ADGRG4: variants seen among roughly 807,000 people sequenced by gnomAD.
ADGRG4 encodes G protein-coupled receptor 112.
Under a neutral mutation model 126.2 loss-of-function variants are expected in ADGRG4, and 122 were observed. That is an observed-to-expected ratio of 0.97 (90% CI 0.83 to 1.12). The LOEUF (loss-of-function observed/expected upper bound fraction) is 1.12. Ranked by LOEUF, ADGRG4 falls within the 50% of genes most tolerant of loss-of-function variation. The pLI is 0.00. For synonymous variants in ADGRG4, 943 were observed against 838.7 expected, an observed-to-expected ratio of 1.12 and a Z score of -2.15; for missense variants, 2,481 against 2,251.8, an observed-to-expected ratio of 1.10 and a Z score of -2.06.
chrX:136,380,254 G>A (rs1324986290), intron 15 of ADGRG4, among the ~76,000 whole-genome samples: 10 of 110,080 alleles, frequency 9.1e-5, no homozygotes, highest in Admixed American at 6.7e-4. Flanking sequence ...CCTTAGGAAG[G>A]ATTTGGCTTG....
chrX:136,358,087 A>G (rs1338177218), intron 10 of ADGRG4, among the ~76,000 whole-genome samples: 3 of 111,518 alleles, frequency 2.7e-5, no homozygotes, highest in Non-Finnish European at 5.6e-5. Flanking sequence ...CAACAACAAC[A>G]TGGAAAGTAG....
chrX:136,404,507 A>G (rs1244959482), intron 22 of ADGRG4, among the ~76,000 whole-genome samples: 1 of 112,187 alleles, frequency 8.9e-6, no homozygotes, highest in Non-Finnish European at 1.9e-5. Flanking sequence ...AACAGGGTAG[A>G]GGATGAAAAG....
rs180768424 is a variant in ADGRG4, at chrX:136,328,310, G to A, written c.685+4918G>A. On this transcript the variant is annotated intron_variant, in intron 5 of 25. Transcript: ENST00000394143. ...GTCTACAGGGCTTTTAAAAGTAATG[G>A]GTGGTGACAGAAATATCTTGAAGCA... 5.6e-4 allele frequency among the ~76,000 whole-genome samples: 63 copies of A among 111,620 alleles called. 2 individuals carry two copies. In the Middle Eastern group the frequency reaches 0.032, roughly 57 times the overall value.
chrX:136,315,444 A>G (rs1405704581), intron 4 of ADGRG4, among the ~76,000 whole-genome samples: 1 of 111,196 alleles, frequency 9.0e-6, no homozygotes, highest in Non-Finnish European at 1.9e-5. Flanking sequence ...GACACTTCCA[A>G]GATAAGGCAG....
At chrX:136,396,666 A>G (rs1365048637) in intron 19 of ADGRG4, among the ~76,000 whole-genome samples, 1 of 107,466 alleles carries the variant, frequency 9.3e-6, no homozygotes. Context: ...GTAACTAACT[A>G]TGTGATCTTG....
intron 4 of ADGRG4, among the ~76,000 whole-genome samples, chrX:136,318,614 T>A (rs894093442): frequency 3.6e-5 from 4 of 111,535 alleles, no homozygotes; most frequent in Admixed American, 2.9e-4. Flanking sequence ...TAAGTGAGAT[T>A]TATGATGAGT....
intron 1 of ADGRG4, among the ~76,000 whole-genome samples, chrX:136,302,535 A>G (rs2074707926): frequency 8.9e-6 from 1 of 112,092 alleles, no homozygotes; most frequent in African/African-American, 3.2e-5. Flanking sequence ...CAGCTGCAAC[A>G]TTAAATGCAG....
At position 136,349,785 on chromosome X, in the gene ADGRG4, C is replaced by T. The variant is rs1245981744; in HGVS notation, c.6079C>T (p.Pro2027Ser). 3 of 1,210,372 alleles carry T rather than the reference C, an allele frequency of 2.5e-6. No homozygotes were observed. Among genetic ancestry groups the T allele is most frequent in the Non-Finnish European group, 3.4e-6 (3 of 894,830 alleles). ...GSPPATVSNAPHVMTSSTVEV... is the reference protein window; with the variant it reads ...GSPPATVSNASHVMTSSTVEV... Reference sequence around the variant, plus strand: ...CCCTCCGGCAACTGTATCTAATGCCCCTCATGTTATGACTTCCTCTACAGT... The same window carrying T: ...CCCTCCGGCAACTGTATCTAATGCCTCTCATGTTATGACTTCCTCTACAGT... Residue 2027 changes from proline (P) to serine (S), a missense_variant, in exon 6 of 26, where the codon CCT (proline) becomes TCT (serine). Physicochemically the swap from Pro to Ser is moderately conservative, Grantham distance 74 (BLOSUM62 -1). Transcript: ENST00000394143.
rs1386788647 is a variant in ADGRG4, at chrX:136,374,248, A to G, written c.7776+1184A>G. Among the ~76,000 whole-genome samples the G allele has an allele frequency of 2.7e-5, 3 of 109,839 alleles. No individual in the cohort carries two copies. The Admixed American group carries it at 2.9e-4, about 11-fold the overall frequency. On this transcript the variant is annotated intron_variant, in intron 15 of 25. Coordinates refer to ENST00000394143, the MANE Select transcript of ADGRG4 (RefSeq NM_153834.4). ...TAATATTCCAACGACTGGGTACACA[A>G]CAGATTCCTTGTCTGTTCTCCTCTT...
intron 4 of ADGRG4, among the ~76,000 whole-genome samples, chrX:136,320,986 G>T (rs775926640): frequency 1.9e-4 from 21 of 111,285 alleles, no homozygotes; most frequent in African/African-American, 6.5e-4. Flanking sequence ...GACCATATGA[G>T]ATTATGATAC....
In ADGRG4 at chrX:136,392,333, G is replaced by A; in HGVS notation, c.8013G>A (p.Leu2671=). 6.0e-6 allele frequency: 7 copies of A among 1,172,336 alleles called. No homozygotes were observed. The highest frequency in any genetic ancestry group is 8.0e-6 in the Non-Finnish European group (7 of 872,155). Residue 2671 remains leucine (L), a synonymous_variant, in exon 17 of 26, where the codon CTG becomes CTA. Transcript: ENST00000394143. ...QNLADPVVIT[L]QHIGGNQNYG... ...TAGCTGACCCAGTGGTTATCACTCT[G>A]CAGCATATTGGAGGAAACCAGGTAA...
chrX:136,371,235 C>T (rs1569330550), intron 13 of ADGRG4, 93 bp from the exon 14 acceptor site: 3 of 549,072 alleles, frequency 5.5e-6, no homozygotes, highest in Non-Finnish European at 8.5e-6. Context: ...GTGTTCTCAT[C>T]TCACCCTCTT....
chrX:136,414,484 T>C lies in ADGRG4; in HGVS notation c.9205+157T>C, dbSNP rs7886057. 1.7e-3 allele frequency among the ~76,000 whole-genome samples: 196 copies of C among 112,854 alleles called. 2 individuals carry two copies. The highest frequency in any genetic ancestry group is 5.1e-3 in the African/African-American group (160 of 31,112). ...TCATTCTTGGCTGAGAAAGTGTGTATAGAAGCATAGAAATGTGTACAGAAG... is the reference window on the plus strand; with the variant it reads ...TCATTCTTGGCTGAGAAAGTGTGTACAGAAGCATAGAAATGTGTACAGAAG... On this transcript the variant is annotated intron_variant, in intron 25 of 25. Coordinates refer to ENST00000394143, the MANE Select transcript of ADGRG4 (RefSeq NM_153834.4).
At chrX:136,324,738 A>G (rs1256835658) in intron 5 of ADGRG4, among the ~76,000 whole-genome samples, 1 of 111,977 alleles carries the variant, frequency 8.9e-6, no homozygotes, top group Non-Finnish European at 1.9e-5. Context: ...CAAGTTCCCC[A>G]TCATTCTTTG....
At chrX:136,306,714 CT>C (rs57109734) in intron 3 of ADGRG4, among the ~76,000 whole-genome samples, 2,231 of 97,746 alleles carry the variant, frequency 0.023, 47 homozygotes, top group African/African-American at 0.07. Flanking sequence ...TACCTTATTC[CT>C]TTTTTTTTTT....
chrX:136,332,654 C>T (rs886448630), intron 5 of ADGRG4, among the ~76,000 whole-genome samples: 1 of 109,109 alleles, frequency 9.2e-6, no homozygotes, highest in African/African-American at 3.3e-5. Context: ...TGTCCACATC[C>T]TCTCCAGCAC....
chrX:136,325,690 T>C (rs183900044), intron 5 of ADGRG4, among the ~76,000 whole-genome samples: 103 of 107,199 alleles, frequency 9.6e-4, no homozygotes, highest in African/African-American at 3.2e-3. Flanking sequence ...ACAACCCTGT[T>C]TTATTTTGCT....
At chrX:136,306,994 A>G (rs1440844663) in intron 3 of ADGRG4, among the ~76,000 whole-genome samples, 1 of 111,994 alleles carries the variant, frequency 8.9e-6, no homozygotes, top group African/African-American at 3.2e-5. Context: ...GATTACAGGC[A>G]TGAGCCACCA....
At chrX:136,334,363 G>C (rs1184651353) in intron 5 of ADGRG4, among the ~76,000 whole-genome samples, 1 of 111,068 alleles carries the variant, frequency 9.0e-6, no homozygotes, top group Non-Finnish European at 1.9e-5. Flanking sequence ...TTTACATAAA[G>C]CCTTAATATT....
Sources: gnomAD v4.1 joint callset for allele counts (sites outside exome capture counted in the v4.1 genomes callset) on GRCh38, gnomAD v4.1.1 for gene constraint, MANE v1.5 for transcripts, NCBI Gene and HGNC (gene_info 2026-07-23, HGNC 2026-07-21) for gene names.